PIGA: variants seen among roughly 807,000 people sequenced by gnomAD.
PIGA encodes the protein phosphatidylinositol glycan anchor biosynthesis class A.
PIGA carries 3 observed loss-of-function variants against 17.1 expected under a neutral mutation model. The observed-to-expected ratio is 0.18, with a 90% CI of 0.08 to 0.45. PIGA has a LOEUF of 0.45. Ranked by LOEUF, PIGA falls within the 20% of genes least tolerant of loss-of-function variation. PIGA has a pLI of 0.99. For synonymous variants in PIGA, 126 were observed against 135.1 expected (o/e 0.93, Z 0.47); for missense variants, 231 against 374.1 (o/e 0.62, Z 3.16).
At chrX:15,322,850 TA>T (rs1356154963) in intron 5 of PIGA, among the ~76,000 whole-genome samples, 9 of 112,235 alleles carry the variant, frequency 8.0e-5, no homozygotes, top group African/African-American at 2.9e-4. Flanking sequence ...ATCGATTTCC[TA>T]AATAGCACAG....
At chrX:15,330,281 C>T (rs1922115930) in intron 2 of PIGA, among the ~76,000 whole-genome samples, 1 of 111,728 alleles carries the variant, frequency 9.0e-6, no homozygotes, top group Non-Finnish European at 1.9e-5. Context: ...ATCATCTGAT[C>T]CCAGGACATC....
At position 15,320,668 on chromosome X, in the gene PIGA, G is replaced by C. The variant is rs1273295763; in HGVS notation, c.*838C>G. On this transcript the variant is annotated 3_prime_UTR_variant, in exon 6 of 6. Coordinates refer to ENST00000333590, the MANE Select transcript of PIGA (RefSeq NM_002641.4). ...CTATCAACAGTGATATCGGTCCCCA[G>C]TATTTAAAAAGCAAAAAATACCTTC... The C allele has an allele frequency of 8.9e-6, 1 of 112,106 alleles. No homozygotes were observed. Among genetic ancestry groups the C allele is most frequent in the African/African-American group, 3.2e-5 (1 of 30,832 alleles). 9.2% of individuals were successfully genotyped at this position (112,106 alleles called of 1,213,427 possible).
rs1329886955 is a variant in PIGA, at chrX:15,319,735, AG to A, written c.*1770del. On this transcript the variant is annotated 3_prime_UTR_variant, in exon 6 of 6. Coordinates refer to ENST00000333590, the MANE Select transcript of PIGA (RefSeq NM_002641.4). Reference sequence around the variant, plus strand: ...AATTTACTTCCATTTGTTAAAAAAAAGAAAAATAATAATTTGCAAATCACAT... The same window carrying A: ...AATTTACTTCCATTTGTTAAAAAAAAAAAAATAATAATTTGCAAATCACAT... 1.8e-5 allele frequency: 2 copies of A among 111,887 alleles called. No individual in the cohort carries two copies. Among genetic ancestry groups the A allele is most frequent in the African/African-American group, 6.5e-5 (2 of 30,681 alleles). 9.2% of individuals were successfully genotyped at this position (111,887 alleles called of 1,213,427 possible).
At chrX:15,324,479 G>A (rs1460162029) in intron 5 of PIGA, among the ~76,000 whole-genome samples, 186 bp downstream of exon 5, 3 of 112,166 alleles carry the variant, frequency 2.7e-5, no homozygotes, top group African/African-American at 9.7e-5. Context: ...AATGTCAAAC[G>A]CAATAATTTG....
chrX:15,323,105 T>C (rs1921865014), intron 5 of PIGA, among the ~76,000 whole-genome samples: 2 of 111,980 alleles, frequency 1.8e-5, no homozygotes, highest in African/African-American at 3.2e-5. Context: ...ATACAGATGC[T>C]GTACTATTAC....
At position 15,325,789 on chromosome X, in the gene PIGA, A is replaced by G. The variant is rs192547960; in HGVS notation, c.848+125T>C. ...TGAAAACAGTCCTTGCATTAGATTT[A>G]TATCAATTATATGTATATCAATTAC... On this transcript the variant is annotated intron_variant, in intron 3 of 5. Coordinates refer to ENST00000333590, the MANE Select transcript of PIGA (RefSeq NM_002641.4). The G allele has an allele frequency of 9.8e-5, 44 of 450,542 alleles. No homozygotes were observed. The Admixed American group carries it at 1.5e-3, about 15-fold the overall frequency. The allele number at this position is 450,542 out of a possible 1,213,427, so 37.1% of individuals were successfully genotyped here. A position where few individuals can be genotyped will look rare whatever the true frequency, so the allele number is the denominator to read the frequency against.
At chrX:15,334,201 T>C (rs958729072) in intron 1 of PIGA, among the ~76,000 whole-genome samples, 4 of 100,258 alleles carry the variant, frequency 4.0e-5, no homozygotes, top group African/African-American at 7.3e-5. Context: ...TTTTTTTTTT[T>C]TTTTTTTGAG....
At position 15,326,000 on chromosome X, in the gene PIGA, A is replaced by G. The variant is rs977377609; in HGVS notation, c.762T>C (p.Tyr254=). The G allele has an allele frequency of 8.5e-7, 1 of 1,178,267 alleles. No individual in the cohort carries two copies. The highest frequency in any genetic ancestry group is 1.8e-5 in the African/African-American group (1 of 57,121). The change falls in exon 3 of 6, where the codon TAT becomes TAC. Residue 254 remains tyrosine (Y), a synonymous_variant. Transcript: ENST00000333590. ...CTCCAATTATGAAATTTAAATCTGGATATTTCTGACAGAGTTCAGGTATTA... is the reference window on the plus strand; with the variant it reads ...CTCCAATTATGAAATTTAAATCTGGGTATTTCTGACAGAGTTCAGGTATTA... The part of the protein sequence containing the change: ...SGIIPELCQK[Y]PDLNFIIGGE...
At chrX:15,330,584 T>G (rs1922123261) in intron 2 of PIGA, among the ~76,000 whole-genome samples, 1 of 112,067 alleles carries the variant, frequency 8.9e-6, no homozygotes, top group Non-Finnish European at 1.9e-5. Context: ...AAAAGCCATC[T>G]GTGAGCTCTG....
At chrX:15,329,474 A>G (rs891114716) in intron 2 of PIGA, among the ~76,000 whole-genome samples, 1 of 111,974 alleles carries the variant, frequency 8.9e-6, no homozygotes, top group Non-Finnish European at 1.9e-5. Context: ...ATTATGTTTT[A>G]TGAAGGAGGG....
At position 15,320,533 on chromosome X, in the gene PIGA, G is replaced by A. The variant is rs1439355973; in HGVS notation, c.*973C>T. 8.9e-6 allele frequency: 1 copy of A among 112,147 alleles called. No individual in the cohort carries two copies. Among genetic ancestry groups the A allele is most frequent in the East Asian group, 2.8e-4 (1 of 3,584 alleles). 9.2% of individuals were successfully genotyped at this position (112,147 alleles called of 1,213,427 possible). Reference sequence around the variant, plus strand: ...GGAGTGACTTACATTAAAAGGACAGGGTAGCAGCTGGTTTTGGGATGGCAC... The same window carrying A: ...GGAGTGACTTACATTAAAAGGACAGAGTAGCAGCTGGTTTTGGGATGGCAC... On this transcript the variant is annotated 3_prime_UTR_variant, in exon 6 of 6. Coordinates refer to ENST00000333590, the MANE Select transcript of PIGA (RefSeq NM_002641.4).
chrX:15,321,543 C>G lies in PIGA; in HGVS notation c.1418G>C (p.Arg473Thr), dbSNP rs773189052. Residue 473 changes from arginine to threonine, a missense_variant, in exon 6 of 6, where the codon AGA (arginine) becomes ACA (threonine). Coordinates refer to ENST00000333590, the MANE Select transcript of PIGA (RefSeq NM_002641.4). ...AGATATCTCATTATTCTCACCCCCT[C>G]TTTTACTGTGAGAATAGTTATTAGT... is the stretch of plus-strand genomic sequence containing the variant. ...AWTNNYSHSK[R>T]GGENNEISET... is the part of the protein sequence containing the mutation. 13 of 1,204,961 alleles carry G rather than the reference C, an allele frequency of 1.1e-5. No homozygotes were observed. Among genetic ancestry groups the G allele is most frequent in the Non-Finnish European group, 1.3e-5 (12 of 890,228 alleles).
At chrX:15,330,414 G>T (rs1465970449) in intron 2 of PIGA, among the ~76,000 whole-genome samples, 4 of 112,135 alleles carry the variant, frequency 3.6e-5, no homozygotes, top group Non-Finnish European at 7.5e-5. Flanking sequence ...TTCAGTATAT[G>T]TACGTACACA....
At chrX:15,327,182 C>T (rs1202334844) in intron 2 of PIGA, 2 of 108,503 alleles carry the variant, frequency 1.8e-5, no homozygotes, top group African/African-American at 3.4e-5. Context: ...TGGCGTGAAC[C>T]CGGGAGGCGG....
At chrX:15,329,929 C>G (rs1408119125) in intron 2 of PIGA, among the ~76,000 whole-genome samples, 1 of 110,790 alleles carries the variant, frequency 9.0e-6, no homozygotes, top group East Asian at 2.8e-4. Context: ...ACTAAAAATA[C>G]AAAAAATTAG....
rs775224755 is a variant in PIGA, at chrX:15,331,943, T to G, written c.-13A>C. On this transcript the variant is annotated 5_prime_UTR_variant, in exon 2 of 6. Transcript: ENST00000333590. Reference sequence around the variant, plus strand: ...CTCTACAGGCCATGCTGAGACGGTTTAGACATCAGTTCTTAGAGCAACCCA... The same window carrying G: ...CTCTACAGGCCATGCTGAGACGGTTGAGACATCAGTTCTTAGAGCAACCCA... 2.2e-5 allele frequency: 26 copies of G among 1,182,724 alleles called. No individual in the cohort carries two copies. The highest frequency in any genetic ancestry group is 2.8e-5 in the Non-Finnish European group (25 of 880,349).
Position 15,325,779 on chromosome X carries a change from C to T in PIGA, c.848+135G>A, listed in dbSNP as rs768875061. 8.7e-4 allele frequency: 366 copies of T among 422,336 alleles called. 1 individual carries two copies. In the South Asian group the frequency reaches 0.011, roughly 13 times the overall value. The allele number at this position is 422,336 out of a possible 1,213,427, so 34.8% of individuals were successfully genotyped here. ...ATAAAAATTTTGAAAACAGTCCTTG[C>T]ATTAGATTTATATCAATTATATGTA... is the stretch of plus-strand genomic sequence containing the variant. On this transcript the variant is annotated intron_variant, in intron 3 of 5. Coordinates refer to ENST00000333590, the MANE Select transcript of PIGA (RefSeq NM_002641.4).
In PIGA at chrX:15,322,201, C is replaced by T. The variant is rs1326811791; in HGVS notation, c.1189-429G>A. On this transcript the variant is annotated intron_variant, in intron 5 of 5. Transcript: ENST00000333590. ...GGATTTGCCTTTGAAGATTCCTTGA[C>T]TAAGCTGAGATGCTCTCACCGGCAT... 2.9e-4 allele frequency among the ~76,000 whole-genome samples: 32 copies of T among 111,413 alleles called. 1 individual carries two copies. Among genetic ancestry groups the T allele is most frequent in the Middle Eastern group, 4.6e-3 (1 of 216 alleles).
intron 5 of PIGA, 54 bp downstream of exon 5, chrX:15,324,611 C>T (rs1334109954): frequency 7.7e-6 from 7 of 908,703 alleles, no homozygotes; most frequent in South Asian, 6.4e-5. Flanking sequence ...CAAATGTGTA[C>T]GTGAAACATC....
Sources: allele counts gnomAD v4.1 joint callset (sites outside exome capture counted in the v4.1 genomes callset), GRCh38; gene constraint gnomAD v4.1.1; transcripts MANE v1.5; gene names NCBI Gene and HGNC (gene_info 2026-07-23, HGNC 2026-07-21).